Variants in MCM7 observed in about 807,000 individuals in gnomAD.
MCM7 encodes minichromosome maintenance complex component 7.
Under a neutral mutation model 83.5 loss-of-function variants are expected in MCM7, and 95 were observed. The observed-to-expected ratio is 1.14, with a 90% CI of 0.96 to 1.35. The LOEUF is 1.35. Among genes scored for constraint, MCM7 ranks in the 40% most tolerant of loss-of-function variants. The pLI is 0.00. For missense variants in MCM7, 1,087 were observed against 957.4 expected, an observed-to-expected ratio of 1.14 and a Z score of -1.79; for synonymous variants, 461 against 352.7, an observed-to-expected ratio of 1.31 and a Z score of -3.44.
intron 13 of MCM7, 65 bp downstream of exon 13, chr7:100,094,108 G>C (rs775069372): frequency 1.2e-6 from 2 of 1,600,804 alleles, no homozygotes; most frequent in Non-Finnish European, 1.7e-6. Flanking sequence ...GGCAATGAGA[G>C]CACGGTAAGG....
rs762392229 is a variant in MCM7, at chr7:100,093,386, C to T, written c.1864G>A (p.Val622Met). 2 of 1,614,156 alleles carry T rather than the reference C, an allele frequency of 1.2e-6. No individual in the cohort carries two copies. The highest frequency in any genetic ancestry group is 1.3e-5 in the African/African-American group (1 of 75,050). ...ACATCTTCTTTCTCCACCACATCCACCATTCTCAGACGTGCCTAAGGGGAA... is the reference window on the plus strand; with the variant it reads ...ACATCTTCTTTCTCCACCACATCCATCATTCTCAGACGTGCCTAAGGGGAA... Reference protein sequence around the residue: ...LSTALARLRMVDVVEKEDVNE... With the variant: ...LSTALARLRMMDVVEKEDVNE... Residue 622 changes from valine to methionine, a missense_variant, in exon 14 of 15, where the codon GTG becomes ATG. By Grantham distance (21) the Val-to-Met change is conservative. Transcript: ENST00000303887.
chr7:100,093,224 G>C, intron 14 of MCM7, 68 bp downstream of exon 14: 1 of 1,596,892 alleles, frequency 6.3e-7, no homozygotes, highest in African/African-American at 1.3e-5. Context: ...TTAGAATTGA[G>C]GCCAACCTCA....
chr7:100,095,619 CCCA>C (rs765825192), intron 11 of MCM7, 149 bp from the exon 12 acceptor site: 8 of 1,304,356 alleles, frequency 6.1e-6, no homozygotes, highest in South Asian at 2.8e-5. Context: ...TCAGCCCCAA[CCCA>C]CCATTTCCCT....
chr7:100,094,316 T>G lies in MCM7; in HGVS notation c.1705A>C (p.Lys569Gln), dbSNP rs747345913. 21 of 1,613,968 alleles carry G rather than the reference T, an allele frequency of 1.3e-5. No individual in the cohort carries two copies. Among genetic ancestry groups the G allele is most frequent in the South Asian group, 4.4e-5 (4 of 91,074 alleles). Residue 569 changes from lysine to glutamine, a missense_variant, in exon 13 of 15, where the codon AAG (lysine) becomes CAG (glutamine). Coordinates refer to ENST00000303887, the MANE Select transcript of MCM7 (RefSeq NM_005916.5). Reference protein sequence around the residue: ...MRRYIAMCREKQPMVPESLAD... With the variant: ...MRRYIAMCREQQPMVPESLAD... ...AGAGACTCTGGCACCATGGGCTGCTTCTCGCGGCACATGGCTATGTAACGC... is the reference window on the plus strand; with the variant it reads ...AGAGACTCTGGCACCATGGGCTGCTGCTCGCGGCACATGGCTATGTAACGC...
rs572706117 is a variant in MCM7, at chr7:100,098,724, T to G, written c.583-9A>C. On this transcript the variant is annotated splice_polypyrimidine_tract_variant and intron_variant, in intron 5 of 14. Coordinates refer to ENST00000303887, the MANE Select transcript of MCM7 (RefSeq NM_005916.5). ...AAAGTGGGAGACTGGATCTAGGATG[T>G]GAGAACAGAAACACCAAAGGAACTC... 3.2e-5 allele frequency: 52 copies of G among 1,613,970 alleles called. 1 individual carries two copies. The South Asian group carries it at 5.5e-4, about 17-fold the overall frequency.
In MCM7 at chr7:100,097,765, G is replaced by A; in HGVS notation, c.986-20C>T. On this transcript the variant is annotated intron_variant, in intron 8 of 14. Coordinates refer to ENST00000303887, the MANE Select transcript of MCM7 (RefSeq NM_005916.5). ...CCTCCTCTGTAGAGAAGTTAAGGTT[G>A]TTTTATTTTCTGGGGGAAAAGGGAG... The A allele has an allele frequency of 3.1e-6, 5 of 1,614,044 alleles. No individual in the cohort carries two copies. The highest frequency in any genetic ancestry group is 4.2e-6 in the Non-Finnish European group (5 of 1,179,980).
Position 100,094,378 on chromosome 7 carries a change from G to A in MCM7, c.1680-37C>T, listed in dbSNP as rs1026283051. ...GGTTCATGGGGAAGCAGAAGAGGGA[G>A]ATGGGGAAGGGAGTGAATATGAGCC... is the stretch of plus-strand genomic sequence containing the variant. On this transcript the variant is annotated intron_variant, in intron 12 of 14. Coordinates refer to ENST00000303887, the MANE Select transcript of MCM7 (RefSeq NM_005916.5). The A allele has an allele frequency of 3.7e-6, 6 of 1,611,972 alleles. No homozygotes were observed. The African/African-American group carries it at 5.3e-5, about 14-fold the overall frequency.
chr7:100,098,064 T>A, intron 7 of MCM7, 77 bp downstream of exon 7: 1 of 1,588,752 alleles, frequency 6.3e-7, no homozygotes, highest in Non-Finnish European at 8.6e-7. Flanking sequence ...GTTTTGCTGC[T>A]CTTTTCTCTG....
At position 100,098,720 on chromosome 7, in the gene MCM7, G is replaced by A; in HGVS notation, c.583-5C>T. On this transcript the variant is annotated splice_region_variant and splice_polypyrimidine_tract_variant and intron_variant, in intron 5 of 14. Transcript: ENST00000303887. Reference sequence around the variant, plus strand: ...CATGAAAGTGGGAGACTGGATCTAGGATGTGAGAACAGAAACACCAAAGGA... The same window carrying A: ...CATGAAAGTGGGAGACTGGATCTAGAATGTGAGAACAGAAACACCAAAGGA... 1 of 1,614,072 alleles carries A rather than the reference G, an allele frequency of 6.2e-7. No homozygotes were observed.
chr7:100,093,339 C>T lies in MCM7; in HGVS notation c.1911G>A (p.Met637Ile). 6.2e-7 allele frequency: 1 copy of T among 1,614,178 alleles called. No individual in the cohort carries two copies. The highest frequency in any genetic ancestry group is 8.5e-7 in the Non-Finnish European group (1 of 1,180,044). Residue 637 changes from methionine (M) to isoleucine (I), a missense_variant, in exon 14 of 15, where the codon ATG becomes ATA. Transcript: ENST00000303887. ...KEDVNEAIRL[M>I]EMSKDSLLGD... Reference sequence around the variant, plus strand: ...CTAGAAGAGAGTCCTTTGACATCTCCATTAGCCTGATGGCTTCATTCACAT... The same window carrying T: ...CTAGAAGAGAGTCCTTTGACATCTCTATTAGCCTGATGGCTTCATTCACAT...
intron 12 of MCM7, 61 bp downstream of exon 12, chr7:100,095,326 T>C: frequency 1.4e-6 from 2 of 1,476,516 alleles, no homozygotes; most frequent in Non-Finnish European, 1.9e-6. Flanking sequence ...TAATAAGCAC[T>C]TTTTCAGGAG....
Position 100,101,349 on chromosome 7 carries a change from G to A in MCM7, c.-55C>T, listed in dbSNP as rs575243087. The A allele has an allele frequency of 4.1e-5, 66 of 1,610,062 alleles. No homozygotes were observed. In the South Asian group the frequency reaches 6.2e-4, roughly 15 times the overall value. On this transcript the variant is annotated 5_prime_UTR_variant, in exon 1 of 15. Transcript: ENST00000303887. ...GCGGGCTCAGAGGTCTTGCTCCTGGGGAAGCTGAGAATCTCCGCGCGGTGG... is the reference window on the plus strand; with the variant it reads ...GCGGGCTCAGAGGTCTTGCTCCTGGAGAAGCTGAGAATCTCCGCGCGGTGG...
chr7:100,097,231 C>G (rs894840818), intron 10 of MCM7, 70 bp downstream of exon 10: 5 of 1,390,878 alleles, frequency 3.6e-6, no homozygotes, highest in Non-Finnish European at 5.1e-6. Context: ...ACATGCACCC[C>G]TACTTTTTGA....
intron 10 of MCM7, among the ~76,000 whole-genome samples, chr7:100,096,791 C>CA (rs1231611430): frequency 2.0e-5 from 3 of 151,852 alleles, no homozygotes; most frequent in African/African-American, 7.3e-5. Flanking sequence ...AAAAACAAAA[C>CA]AATACCCAAA....
chr7:100,100,336 C>G, intron 1 of MCM7: 1 of 1,183,670 alleles, frequency 8.4e-7, no homozygotes, highest in Non-Finnish European at 1.1e-6. Flanking sequence ...CCGGTCCCTA[C>G]TTTAGTTTAA....
chr7:100,093,215 TAGAATTG>T, intron 14 of MCM7, 70 bp downstream of exon 14: 2 of 1,598,628 alleles, frequency 1.3e-6, no homozygotes, highest in Non-Finnish European at 1.7e-6. Flanking sequence ...TGGCCAGTGT[TAGAATTG>T]AGGCCAACCT....
chr7:100,093,460 G>A (rs895207584), intron 13 of MCM7, 59 bp from the exon 14 acceptor site: 54 of 1,483,342 alleles, frequency 3.6e-5, no homozygotes, highest in Non-Finnish European at 5.0e-5. Context: ...AACGAGGTCA[G>A]GGGACACCCT....
chr7:100,098,878 A>C, intron 5 of MCM7, 145 bp downstream of exon 5: 1 of 1,343,508 alleles, frequency 7.4e-7, no homozygotes, highest in South Asian at 1.4e-5. Flanking sequence ...AAATAGGTAG[A>C]AAGACCACTA....
At position 100,099,302 on chromosome 7, in the gene MCM7, G is replaced by A. The variant is rs756945134; in HGVS notation, c.378C>T (p.Tyr126=). Residue 126 remains tyrosine, a synonymous_variant, in exon 4 of 15, where the codon TAC becomes TAT. Transcript: ENST00000303887. The part of the protein sequence containing the change: ...PGMVRSPQNQ[Y]PAELMRRFEL... ...ACAATCTGCGCATGAGTTCAGCAGGGTACTGGTTCTGGGGGCTTCGGACCA... is the reference window on the plus strand; with the variant it reads ...ACAATCTGCGCATGAGTTCAGCAGGATACTGGTTCTGGGGGCTTCGGACCA... The A allele has an allele frequency of 1.2e-6, 2 of 1,613,836 alleles. No homozygotes were observed. Among genetic ancestry groups the A allele is most frequent in the Non-Finnish European group, 1.7e-6 (2 of 1,179,996 alleles).
Sources: gnomAD v4.1 joint callset for allele counts (sites outside exome capture counted in the v4.1 genomes callset) on GRCh38, gnomAD v4.1.1 for gene constraint, MANE v1.5 for transcripts, NCBI Gene and HGNC (gene_info 2026-07-23, HGNC 2026-07-21) for gene names.